The following ADGRG5 variants were observed in gnomAD, a reference collection of about 807,000 sequenced individuals.
ADGRG5 encodes the protein adhesion G protein-coupled receptor G5, also known as G protein-coupled receptor 114.
In ADGRG5, 37 loss-of-function variants were observed where a neutral mutation model predicts 53.2. The observed-to-expected ratio is 0.70, with a 90% CI of 0.53 to 0.91. ADGRG5 has a LOEUF of 0.91. ADGRG5 is among the 40% of genes least tolerant of loss of function. The pLI is 0.00. For missense variants in ADGRG5, 614 were observed against 675.8 expected, an observed-to-expected ratio of 0.91 and a Z score of 1.01; for synonymous variants, 277 against 290.4, an observed-to-expected ratio of 0.95 and a Z score of 0.47.
intron 1 of ADGRG5, among the ~76,000 whole-genome samples, chr16:57,559,824 TTCTAGGTGGAAATCGAAATCA>T (rs1427283106): frequency 3.9e-5 from 6 of 152,080 alleles, no homozygotes; most frequent in African/African-American, 1.4e-4. Context: ...ACTCTCTACT[TTCTAGGTGGAAATCGAAATCA>T]TCTTAATATG....
intron 1 of ADGRG5, 26 bp from the exon 2 acceptor site, chr16:57,562,030 A>C (rs1466807934): frequency 1.5e-6 from 2 of 1,361,960 alleles, no homozygotes; most frequent in African/African-American, 2.9e-5. Flanking sequence ...TTTTATCATC[A>C]TGGTGATGGC....
chr16:57,537,833 T>C (rs2032427035), upstream of ADGRG5, among the ~76,000 whole-genome samples: 1 of 152,224 alleles, frequency 6.6e-6, no homozygotes, highest in Admixed American at 6.5e-5. Flanking sequence ...GGCTGAATGT[T>C]GAAAGCGTCT....
chr16:57,565,021 G>C lies in ADGRG5; in HGVS notation c.430-13G>C, dbSNP rs769668480. 12 of 1,565,978 alleles carry C rather than the reference G, an allele frequency of 7.7e-6. No homozygotes were observed. In the African/African-American group the frequency reaches 1.2e-4, roughly 16 times the overall value. ...TTCCCCTCCACTCAGCCCTTCTCCT[G>C]CTGCCCTTCCAGGATGAAAACAACT... On this transcript the variant is annotated splice_polypyrimidine_tract_variant and intron_variant, in intron 5 of 11. Coordinates refer to ENST00000349457, the MANE Select transcript of ADGRG5 (RefSeq NM_001304376.3).
upstream of ADGRG5, among the ~76,000 whole-genome samples, chr16:57,538,576 T>C (rs911937209): frequency 3.3e-5 from 5 of 152,310 alleles, no homozygotes; most frequent in Non-Finnish European, 1.5e-5. Flanking sequence ...CAGATCTGAC[T>C]GTTTCAATTT....
intron 4 of ADGRG5, 106 bp downstream of exon 4, chr16:57,563,353 AC>A: frequency 6.2e-6 from 6 of 960,502 alleles, no homozygotes; most frequent in Non-Finnish European, 9.7e-6. Context: ...TCCTCCCCAC[AC>A]CCCACAGTCC....
chr16:57,537,605 T>G, the ADGRG5 span, among the ~76,000 whole-genome samples: 5 of 152,168 alleles, frequency 3.3e-5, no homozygotes, highest in East Asian at 1.9e-4. Flanking sequence ...GCAAAAATAT[T>G]TGAGAGCTTC....
rs1596807300 is a variant in ADGRG5, at chr16:57,576,420, T to C, written c.*882T>C. 1 of 152,098 alleles carries C rather than the reference T, an allele frequency of 6.6e-6. No individual in the cohort carries two copies. The highest frequency in any genetic ancestry group is 2.1e-4 in the South Asian group (1 of 4,820). 9.4% of individuals were successfully genotyped at this position (152,098 alleles called of 1,614,324 possible). ...CTGGCTGTTTGGTGATTGGGCAAGA[T>C]TGAATTTGCCCAGGTAGGCGTGAGA... On this transcript the variant is annotated 3_prime_UTR_variant, in exon 12 of 12. Coordinates refer to ENST00000349457, the MANE Select transcript of ADGRG5 (RefSeq NM_001304376.3).
intron 1 of ADGRG5, among the ~76,000 whole-genome samples, chr16:57,548,489 C>T (rs1373298276): frequency 6.6e-6 from 1 of 152,036 alleles, no homozygotes; most frequent in Non-Finnish European, 1.5e-5. Flanking sequence ...AAATGGTTTT[C>T]CTTGCAATTT....
intron 1 of ADGRG5, among the ~76,000 whole-genome samples, chr16:57,550,777 C>T (rs1179701411): frequency 6.6e-6 from 1 of 152,128 alleles, no homozygotes; most frequent in African/African-American, 2.4e-5. Context: ...TGTCTGTAAT[C>T]CCAGCACTTT....
chr16:57,561,404 C>G (rs915367857), intron 1 of ADGRG5, among the ~76,000 whole-genome samples: 6 of 152,114 alleles, frequency 3.9e-5, no homozygotes, highest in Admixed American at 6.5e-5. Flanking sequence ...TACCCTGTGT[C>G]TTCTTTCATG....
chr16:57,535,060 G>T, the ADGRG5 span, among the ~76,000 whole-genome samples: 1 of 152,204 alleles, frequency 6.6e-6, no homozygotes, highest in Non-Finnish European at 1.5e-5. Context: ...TTCAGGTAGG[G>T]CCCTGGGACA....
chr16:57,539,205 A>C (rs1384495310), upstream of ADGRG5, among the ~76,000 whole-genome samples: 1 of 152,198 alleles, frequency 6.6e-6, no homozygotes, highest in Non-Finnish European at 1.5e-5. Context: ...CGTCATGCTA[A>C]GTGAAATGAG....
intron 1 of ADGRG5, among the ~76,000 whole-genome samples, chr16:57,551,320 G>A (rs1184727055): frequency 1.3e-5 from 2 of 152,180 alleles, no homozygotes; most frequent in African/African-American, 4.8e-5. Flanking sequence ...TTTTTCTGTA[G>A]CATGTGATGC....
At chr16:57,540,037 G>A (rs2032467164), upstream of ADGRG5, among the ~76,000 whole-genome samples, 1 of 152,154 alleles carries the variant, frequency 6.6e-6, no homozygotes. Flanking sequence ...CTTGTCAAGA[G>A]ATCGAGACCA....
intron 4 of ADGRG5, 95 bp downstream of exon 4, chr16:57,563,342 T>G: frequency 1.8e-6 from 2 of 1,094,040 alleles, no homozygotes; most frequent in Non-Finnish European, 2.7e-6. Context: ...CTCCACTGTC[T>G]TCCTCCCCAC....
the ADGRG5 span, among the ~76,000 whole-genome samples, chr16:57,531,545 G>A: frequency 6.6e-6 from 1 of 152,112 alleles, no homozygotes; most frequent in Non-Finnish European, 1.5e-5. Flanking sequence ...GCAACAGCCA[G>A]AGTGAGTTCT....
chr16:57,529,087 G>C, the ADGRG5 span: 6 of 1,170,682 alleles, frequency 5.1e-6, no homozygotes, highest in Non-Finnish European at 6.3e-6. The surrounding 1 kb of genome is among the most constrained non-coding windows in gnomAD (Gnocchi z 4.1). Context: ...GGCCCCATGC[G>C]CTCCGGCGAC....
the ADGRG5 span, among the ~76,000 whole-genome samples, chr16:57,535,434 T>C: frequency 2.0e-5 from 3 of 152,178 alleles, 1 homozygote; most frequent in South Asian, 6.2e-4. Flanking sequence ...GCTACGTGTC[T>C]GTGTCCACAC....
At chr16:57,550,985 G>A (rs1207214972) in intron 1 of ADGRG5, among the ~76,000 whole-genome samples, 1 of 152,212 alleles carries the variant, frequency 6.6e-6, no homozygotes, top group Non-Finnish European at 1.5e-5. Flanking sequence ...AGTGAGCTGA[G>A]ATCGCACCAC....
Sources: allele counts gnomAD v4.1 joint callset (sites outside exome capture counted in the v4.1 genomes callset), GRCh38; gene constraint gnomAD v4.1.1; non-coding constraint Gnocchi (gnomAD v3.1); transcripts MANE v1.5; gene names NCBI Gene and HGNC (gene_info 2026-07-23, HGNC 2026-07-21).